LAMA1: variants seen among roughly 807,000 people sequenced by gnomAD.
The protein encoded by LAMA1 is laminin subunit alpha 1.
Under a neutral mutation model 348.7 loss-of-function variants are expected in LAMA1, and 219 were observed. That is an observed-to-expected ratio of 0.63 (90% CI 0.56 to 0.70). LAMA1 has a LOEUF of 0.70. LAMA1 is among the 30% of genes least tolerant of loss of function. The pLI, the probability that LAMA1 is intolerant of heterozygous loss-of-function variation, is 0.00. For missense variants in LAMA1, 3,744 were observed against 3,888.0 expected, an observed-to-expected ratio of 0.96 and a Z score of 0.99; for synonymous variants, 1,487 against 1,491.0, an observed-to-expected ratio of 1.00 and a Z score of 0.06.
chr18:6,950,587 A>C (rs1029463062), intron 58 of LAMA1, among the ~76,000 whole-genome samples, 195 bp downstream of exon 58: 2 of 152,224 alleles, frequency 1.3e-5, no homozygotes, highest in African/African-American at 4.8e-5. Context: ...TCAGGTACTA[A>C]GCAAGGCCCT....
intron 1 of LAMA1, among the ~76,000 whole-genome samples, chr18:7,085,867 A>G (rs2058215223): frequency 6.6e-6 from 1 of 152,186 alleles, no homozygotes; most frequent in Admixed American, 6.5e-5. Context: ...AGCACCTCTA[A>G]CAACTACAAA....
At chr18:7,112,658 CAG>C (rs1410439368) in intron 1 of LAMA1, among the ~76,000 whole-genome samples, 2 of 143,348 alleles carry the variant, frequency 1.4e-5, no homozygotes, top group South Asian at 2.2e-4. Context: ...TTTTTTGAGA[CAG>C]AGTTTCACTC....
intron 11 of LAMA1, among the ~76,000 whole-genome samples, chr18:7,038,180 C>A (rs902190282): frequency 6.6e-6 from 1 of 152,128 alleles, no homozygotes; most frequent in African/African-American, 2.4e-5. Flanking sequence ...AATGCGTCAC[C>A]GACATAGAGG....
chr18:7,093,288 C>A (rs370774999), intron 1 of LAMA1, among the ~76,000 whole-genome samples: 1 of 151,990 alleles, frequency 6.6e-6, no homozygotes, highest in South Asian at 2.1e-4. Flanking sequence ...GGGTGGCGGG[C>A]GCCTGTGGTC....
intron 4 of LAMA1, 65 bp from the exon 5 acceptor site, chr18:7,049,322 T>C (rs1445663482): frequency 5.1e-6 from 7 of 1,376,240 alleles, no homozygotes; most frequent in Non-Finnish European, 5.1e-6. Flanking sequence ...TTTTTTGAGA[T>C]GGCGTCTCGC....
chr18:6,977,078 C>T (rs1226621657), intron 44 of LAMA1, among the ~76,000 whole-genome samples: 1 of 152,214 alleles, frequency 6.6e-6, no homozygotes, highest in African/African-American at 2.4e-5. Context: ...CCAGAGGCTG[C>T]ATTCATCCTC....
chr18:7,060,774 G>A (rs2058099259), intron 3 of LAMA1, among the ~76,000 whole-genome samples: 1 of 152,132 alleles, frequency 6.6e-6, no homozygotes, highest in Admixed American at 6.5e-5. Context: ...TTAGAAAAGC[G>A]ATTTCAAAAG....
At chr18:7,058,344 A>G (rs1373087999) in intron 3 of LAMA1, among the ~76,000 whole-genome samples, 1 of 152,166 alleles carries the variant, frequency 6.6e-6, no homozygotes, top group Non-Finnish European at 1.5e-5. Context: ...CCCAAACTGG[A>G]GACCAGGAAA....
At chr18:6,952,892 T>C (rs1471076494) in intron 57 of LAMA1, among the ~76,000 whole-genome samples, 25 of 148,184 alleles carry the variant, frequency 1.7e-4, no homozygotes, top group African/African-American at 5.6e-4. Flanking sequence ...CATGTCTGCC[T>C]GTGTCCAGCA....
chr18:7,018,624 T>C (rs1228214487), intron 19 of LAMA1, among the ~76,000 whole-genome samples: 1 of 152,054 alleles, frequency 6.6e-6, no homozygotes, highest in Non-Finnish European at 1.5e-5. Flanking sequence ...CTCGATCTCC[T>C]GACCTTGTGA....
chr18:7,023,232 T>A lies in LAMA1; in HGVS notation c.2633A>T (p.Asp878Val). ...AGCACACCTTTCACAGTGGGCGCCA[T>A]CTGTGTTCCCCAGGCACTTCAGGCA... ...GECLKCLGNT[D>V]GAHCERCADG... Residue 878 changes from aspartate (D) to valine (V), a missense_variant, in exon 19 of 63, where the codon GAT becomes GTT. Around this residue, in one of 3 missense-constraint regions of LAMA1, gnomAD observed 1,529 missense variants for 1,689.4 expected, o/e 0.91. Coordinates refer to ENST00000389658, the MANE Select transcript of LAMA1 (RefSeq NM_005559.4). The A allele has an allele frequency of 1.2e-6, 2 of 1,613,944 alleles. No homozygotes were observed. The highest frequency in any genetic ancestry group is 1.7e-6 in the Non-Finnish European group (2 of 1,180,008).
chr18:6,948,991 C>T (rs754102017), intron 59 of LAMA1, 110 bp downstream of exon 59: 149 of 1,388,496 alleles, frequency 1.1e-4, no homozygotes, highest in Non-Finnish European at 1.4e-4. Flanking sequence ...TCACAAGCCC[C>T]AGGTTCAAAC....
chr18:7,098,454 G>T (rs1172533010), intron 1 of LAMA1, among the ~76,000 whole-genome samples: 1 of 151,374 alleles, frequency 6.6e-6, no homozygotes, highest in African/African-American at 2.4e-5. Flanking sequence ...GAGCGTCCCT[G>T]CCCGGCCGCC....
chr18:6,958,945 A>T (rs1262023064), intron 54 of LAMA1, among the ~76,000 whole-genome samples: 1 of 151,974 alleles, frequency 6.6e-6, no homozygotes, highest in Admixed American at 6.6e-5. Flanking sequence ...TTTACCTATG[A>T]TGAAAATGCC....
At chr18:7,101,994 A>C (rs1430614256) in intron 1 of LAMA1, among the ~76,000 whole-genome samples, 1 of 152,020 alleles carries the variant, frequency 6.6e-6, no homozygotes, top group African/African-American at 2.4e-5. Context: ...ACAGTGACCA[A>C]AGGGTTATTT....
intron 19 of LAMA1, among the ~76,000 whole-genome samples, chr18:7,018,207 G>A (rs1300897509): frequency 6.6e-6 from 1 of 150,914 alleles, no homozygotes; most frequent in Non-Finnish European, 1.5e-5. Context: ...GTGGTGGCAC[G>A]TGCCTGTAAT....
intron 29 of LAMA1, among the ~76,000 whole-genome samples, chr18:7,003,760 G>A (rs1422646395): frequency 1.3e-5 from 2 of 152,148 alleles, no homozygotes; most frequent in Non-Finnish European, 2.9e-5. Flanking sequence ...TTTATCCTTG[G>A]CAGTGAGAGG....
At chr18:6,947,326 G>A (rs756886428) in intron 60 of LAMA1, 30 bp from the exon 61 acceptor site, 2 of 1,612,636 alleles carry the variant, frequency 1.2e-6, no homozygotes, top group Non-Finnish European at 1.7e-6. Flanking sequence ...CCCAAGTCAG[G>A]GTGAGCGCTG....
chr18:6,976,403 G>C (rs985566253), intron 44 of LAMA1, among the ~76,000 whole-genome samples: 14 of 152,100 alleles, frequency 9.2e-5, no homozygotes, highest in African/African-American at 3.4e-4. Flanking sequence ...AAAGAAAGAG[G>C]GTATTTGATA....
Sources: gnomAD v4.1 joint callset for allele counts (sites outside exome capture counted in the v4.1 genomes callset) on GRCh38, gnomAD v4.1.1 for gene constraint, gnomAD v4.1.1 regional missense constraint, MANE v1.5 for transcripts, NCBI Gene and HGNC (gene_info 2026-07-23, HGNC 2026-07-21) for gene names.